The following AGMO variants were observed in gnomAD, a reference collection of about 807,000 sequenced individuals.
AGMO encodes the protein glyceryl-ether monooxygenase.
A neutral mutation model predicts 60.2 loss-of-function variants in AGMO; 75 were observed. That is an observed-to-expected ratio of 1.25 (90% CI 1.03 to 1.51). The LOEUF is 1.51. Ranked by LOEUF, AGMO falls within the 40% of genes most tolerant of loss-of-function variation. The probability of loss-of-function intolerance (pLI) is 0.00; values close to 1 mark genes in which losing one functional copy is unlikely to be tolerated. For synonymous variants in AGMO, 261 were observed against 177.1 expected (o/e 1.47, Z -3.76); for missense variants, 763 against 525.5 (o/e 1.45, Z -4.42).
At chr7:15,257,519 A>T (rs2128508498) in intron 12 of AGMO, among the ~76,000 whole-genome samples, 1 of 152,314 alleles carries the variant, frequency 6.6e-6, no homozygotes, top group African/African-American at 2.4e-5. Flanking sequence ...TTGTAAATAT[A>T]AAAAAAGATA....
chr7:15,463,241 C>T (rs532487158), intron 3 of AGMO, among the ~76,000 whole-genome samples: 89 of 152,222 alleles, frequency 5.8e-4, no homozygotes, highest in Non-Finnish European at 1.1e-3. Context: ...TCTTGCTTGT[C>T]ATAAGTAGAG....
At chr7:15,273,644 T>C (rs907230262) in intron 12 of AGMO, among the ~76,000 whole-genome samples, 1 of 152,222 alleles carries the variant, frequency 6.6e-6, no homozygotes, top group Non-Finnish European at 1.5e-5. Flanking sequence ...AGTAGTTTTT[T>C]CCAACTCTGT....
At chr7:15,305,225 G>T (rs1203560566) in intron 12 of AGMO, among the ~76,000 whole-genome samples, 1 of 144,486 alleles carries the variant, frequency 6.9e-6, no homozygotes, top group Non-Finnish European at 1.5e-5. Flanking sequence ...AGGCAACCTT[G>T]TCAGGCAATC....
At chr7:15,196,396 GA>G (rs557813883), downstream of AGMO, among the ~76,000 whole-genome samples, 42 of 152,254 alleles carry the variant, frequency 2.8e-4, no homozygotes, top group Admixed American at 2.5e-3. Flanking sequence ...ATGTGAAACA[GA>G]AAACTTTGGT....
intron 3 of AGMO, among the ~76,000 whole-genome samples, chr7:15,434,940 T>C (rs1428777151): frequency 6.7e-6 from 1 of 150,100 alleles, no homozygotes; most frequent in African/African-American, 2.4e-5. Context: ...GAGTGTATCC[T>C]ATCAATAACA....
At chr7:15,350,795 T>C (rs1782211073) in intron 12 of AGMO, among the ~76,000 whole-genome samples, 1 of 152,174 alleles carries the variant, frequency 6.6e-6, no homozygotes, top group Non-Finnish European at 1.5e-5. Context: ...CTGTGTATAG[T>C]TTCATTATTT....
chr7:15,279,505 C>T (rs984824334), intron 12 of AGMO, among the ~76,000 whole-genome samples: 1 of 151,806 alleles, frequency 6.6e-6, no homozygotes, highest in Non-Finnish European at 1.5e-5. Context: ...TTTTTCAAAA[C>T]ATGAAACTGA....
chr7:15,139,667 A>ACCAACC, the AGMO span, among the ~76,000 whole-genome samples: 1 of 151,900 alleles, frequency 6.6e-6, no homozygotes, highest in South Asian at 2.1e-4. Context: ...TTTAGGGGCA[A>ACCAACC]GGAGTTGGTA....
chr7:15,322,480 A>G (rs1297417237), intron 12 of AGMO, among the ~76,000 whole-genome samples: 1 of 96,338 alleles, frequency 1.0e-5, no homozygotes, highest in Non-Finnish European at 1.9e-5. Flanking sequence ...ATATAAATAT[A>G]TATATAAATA....
the AGMO span, among the ~76,000 whole-genome samples, chr7:15,143,642 G>A: frequency 4.0e-5 from 6 of 151,352 alleles, no homozygotes; most frequent in Non-Finnish European, 8.8e-5. Flanking sequence ...GAAACAAGAT[G>A]AGCAGACGGA....
At chr7:15,368,760 C>T (rs1307668222) in intron 10 of AGMO, among the ~76,000 whole-genome samples, 1 of 152,046 alleles carries the variant, frequency 6.6e-6, no homozygotes, top group African/African-American at 2.4e-5. Flanking sequence ...CCAGATGTCA[C>T]AGGAAACTCA....
chr7:15,359,053 G>C (rs935579168), intron 12 of AGMO, among the ~76,000 whole-genome samples: 2 of 151,976 alleles, frequency 1.3e-5, no homozygotes, highest in South Asian at 2.1e-4. Context: ...ACTTTGGGAG[G>C]CCAAGACAGG....
the AGMO span, among the ~76,000 whole-genome samples, chr7:15,145,951 A>C: frequency 2.0e-5 from 3 of 152,166 alleles, no homozygotes; most frequent in African/African-American, 7.2e-5. Flanking sequence ...AATGAAGCGG[A>C]AGGTATTTGA....
At chr7:15,190,137 A>T in the AGMO span, among the ~76,000 whole-genome samples, 3 of 1,920 alleles carry the variant, frequency 1.6e-3, no homozygotes, top group African/African-American at 2.6e-3. Flanking sequence ...TTATATATAT[A>T]TATATATATA....
chr7:15,147,488 G>C, the AGMO span, among the ~76,000 whole-genome samples: 1 of 152,096 alleles, frequency 6.6e-6, no homozygotes, highest in Non-Finnish European at 1.5e-5. Context: ...CCCAAGAAGA[G>C]CATAAGACCC....
At chr7:15,460,117 G>GT (rs1562518678) in intron 3 of AGMO, among the ~76,000 whole-genome samples, 1 of 133,958 alleles carries the variant, frequency 7.5e-6, no homozygotes. Context: ...TTTTTTTTTT[G>GT]TTTTTTTGAG....
chr7:15,156,217 C>T, the AGMO span, among the ~76,000 whole-genome samples: 1 of 152,176 alleles, frequency 6.6e-6, no homozygotes, highest in African/African-American at 2.4e-5. Context: ...GGTGAGTATG[C>T]ACTGGCAGGG....
the AGMO span, among the ~76,000 whole-genome samples, chr7:15,160,871 T>C: frequency 6.6e-6 from 1 of 152,198 alleles, no homozygotes; most frequent in East Asian, 1.9e-4. Context: ...TAATTTACAA[T>C]GAACAAAAAT....
At chr7:15,210,161 C>A (rs1781547407) in intron 12 of AGMO, among the ~76,000 whole-genome samples, 1 of 152,060 alleles carries the variant, frequency 6.6e-6, no homozygotes, top group Non-Finnish European at 1.5e-5. Context: ...AATAATTTTT[C>A]TTTTTCCTTA....
Sources: allele counts gnomAD v4.1 joint callset (sites outside exome capture counted in the v4.1 genomes callset), GRCh38; gene constraint gnomAD v4.1.1; transcripts MANE v1.5; gene names NCBI Gene and HGNC (gene_info 2026-07-23, HGNC 2026-07-21).